The following RYR2 variants were observed in gnomAD, a reference collection of about 807,000 sequenced individuals.
RYR2 encodes ryanodine receptor 2, also known as cardiac muscle ryanodine receptor-calcium release channel.
RYR2 carries 227 observed loss-of-function variants against 601.1 expected under a neutral mutation model. That is an observed-to-expected ratio of 0.38 (90% CI 0.34 to 0.42). The LOEUF (loss-of-function observed/expected upper bound fraction) is 0.42, where lower values mean the gene tolerates loss of function less well. RYR2 is among the 10% of genes least tolerant of loss of function. The pLI, the probability that RYR2 is intolerant of heterozygous loss-of-function variation, is 1.00. For synonymous variants in RYR2, 2,223 were observed against 2,175.1 expected (o/e 1.02, Z -0.61); for missense variants, 4,646 against 6,156.5 (o/e 0.75, Z 8.21).
intron 1 of RYR2, among the ~76,000 whole-genome samples, chr1:237,050,065 T>C (rs1490782271): frequency 6.6e-6 from 1 of 152,150 alleles, no homozygotes; most frequent in East Asian, 1.9e-4. Flanking sequence ...AGGCATTCCC[T>C]GTTAGTGACG....
chr1:237,313,739 T>C (rs1266229169), intron 2 of RYR2, among the ~76,000 whole-genome samples: 1 of 152,210 alleles, frequency 6.6e-6, no homozygotes, highest in Non-Finnish European at 1.5e-5. Context: ...GAAAAGAAAT[T>C]TGAAGACCAT....
chr1:237,544,605 T>C (rs1328067207), intron 25 of RYR2, among the ~76,000 whole-genome samples: 1 of 152,210 alleles, frequency 6.6e-6, no homozygotes, highest in African/African-American at 2.4e-5. Flanking sequence ...AAAGGCTTTG[T>C]TCATTTTTAA....
At chr1:237,114,303 G>A (rs1669823402) in intron 1 of RYR2, among the ~76,000 whole-genome samples, 1 of 152,086 alleles carries the variant, frequency 6.6e-6, no homozygotes, top group South Asian at 2.1e-4. Flanking sequence ...TGTTAAATTT[G>A]ATATGTGTAA....
chr1:237,792,384 TGTGTGTGTGTGTGC>T lies in RYR2; in HGVS notation c.13782+75_13782+88del, dbSNP rs1558425823. On this transcript the variant is annotated intron_variant, in intron 94 of 104. Coordinates refer to ENST00000366574, the MANE Select transcript of RYR2 (RefSeq NM_001035.3). The stretch of plus-strand genomic sequence containing the variant: ...GTGTGTGTGTGTGTGTGTGTGTGCG[TGTGTGTGTGTGTGC>T]GTGTGTGTGTGTGTGTGTGTGTGTG... The T allele has an allele frequency of 2.3e-4, 142 of 617,830 alleles. 1 individual carries two copies. The highest frequency in any genetic ancestry group is 1.9e-3 in the Middle Eastern group (4 of 2,094). 38.3% of individuals were successfully genotyped at this position (617,830 alleles called of 1,614,324 possible).
At position 237,546,989 on chromosome 1, in the gene RYR2, A is replaced by ATTTATTTATT. The variant is rs142758030; in HGVS notation, c.2907-1441_2907-1440insTTATTTATTT. The stretch of plus-strand genomic sequence containing the variant: ...TATTTTCAAAAGCATATATATATAT[A>ATTTATTTATT]TATATATTTATTTATTTATTTATTT... On this transcript the variant is annotated intron_variant, in intron 25 of 104. Coordinates refer to ENST00000366574, the MANE Select transcript of RYR2 (RefSeq NM_001035.3). Among the ~76,000 whole-genome samples, 760 of 132,934 alleles carry ATTTATTTATT rather than the reference A, an allele frequency of 5.7e-3. 5 individuals are homozygous for ATTTATTTATT. The highest frequency in any genetic ancestry group is 8.7e-3 in the Admixed American group (111 of 12,776). 87.2% of individuals were successfully genotyped at this position (132,934 alleles called of 152,430 possible).
At chr1:237,095,537 C>A (rs115567987) in intron 1 of RYR2, among the ~76,000 whole-genome samples, 1 of 152,152 alleles carries the variant, frequency 6.6e-6, no homozygotes, top group East Asian at 1.9e-4. Context: ...GCAGCACTGC[C>A]GACATCTCTT....
At chr1:237,748,512 G>A (rs1438703206) in intron 80 of RYR2, among the ~76,000 whole-genome samples, 1 of 152,174 alleles carries the variant, frequency 6.6e-6, no homozygotes, top group East Asian at 1.9e-4. Context: ...GGTCTCCTTG[G>A]TGAGTGGTAA....
In RYR2 at chr1:237,441,307, C is replaced by T. The variant is rs367998175; in HGVS notation, c.1006-12C>T. 464 of 1,611,616 alleles carry T rather than the reference C, an allele frequency of 2.9e-4. No individual in the cohort carries two copies. The highest frequency in any genetic ancestry group is 3.8e-4 in the Non-Finnish European group (449 of 1,178,950). On this transcript the variant is annotated splice_polypyrimidine_tract_variant and intron_variant, in intron 12 of 104. Coordinates refer to ENST00000366574, the MANE Select transcript of RYR2 (RefSeq NM_001035.3). ...AATGTTTACTGACCTTTTTTTCCTC[C>T]TCTCCCCTTAGGAAAAATTGGATGT...
At chr1:237,584,658 T>TTTTG (rs1559066747) in intron 29 of RYR2, among the ~76,000 whole-genome samples, 10 of 137,262 alleles carry the variant, frequency 7.3e-5, no homozygotes, top group Admixed American at 1.5e-4. Flanking sequence ...TGTTTTTTTT[T>TTTTG]TTTTTTTTTT....
intron 10 of RYR2, among the ~76,000 whole-genome samples, chr1:237,389,739 T>C (rs543370706): frequency 6.6e-6 from 1 of 152,234 alleles, no homozygotes; most frequent in East Asian, 1.9e-4. Flanking sequence ...CTATGAAAGA[T>C]GGAGTTAAAC....
rs182628627 is a variant in RYR2 at position 237,437,304 on chromosome 1, G to A, written c.1006-4015G>A. ...CCTGACCTCATGATCCGCCCACCTC[G>A]GCCTCCTAAAGTGCTGGGATTACAG... is the stretch of plus-strand genomic sequence containing the variant. On this transcript the variant is annotated intron_variant, in intron 12 of 104. Coordinates refer to ENST00000366574, the MANE Select transcript of RYR2 (RefSeq NM_001035.3). Among the ~76,000 whole-genome samples, 321 of 152,046 alleles carry A rather than the reference G, an allele frequency of 2.1e-3. 2 individuals are homozygous for A. Among genetic ancestry groups the A allele is most frequent in the Non-Finnish European group, 3.5e-3 (238 of 67,982 alleles).
chr1:237,462,076 A>C (rs866204104), intron 16 of RYR2, among the ~76,000 whole-genome samples: 10 of 152,268 alleles, frequency 6.6e-5, no homozygotes, highest in Admixed American at 1.3e-4. Context: ...TGCAGCAATA[A>C]TTGGAGTCCT....
At chr1:237,604,977 G>T (rs575787906) in intron 35 of RYR2, among the ~76,000 whole-genome samples, 2 of 151,988 alleles carry the variant, frequency 1.3e-5, no homozygotes, top group East Asian at 1.9e-4. Flanking sequence ...ATTCACAGCC[G>T]AATTCTACCA....
chr1:237,544,435 A>G (rs1041741356), intron 25 of RYR2, among the ~76,000 whole-genome samples: 1 of 152,168 alleles, frequency 6.6e-6, no homozygotes, highest in African/African-American at 2.4e-5. Context: ...TATGAATATA[A>G]TAATAATAGG....
At chr1:237,670,551 A>G (rs1007122685) in intron 58 of RYR2, among the ~76,000 whole-genome samples, 53 of 152,176 alleles carry the variant, frequency 3.5e-4, no homozygotes, top group African/African-American at 1.2e-3. Context: ...TTGACAGGGT[A>G]TTGCCCACAT....
chr1:237,092,779 C>T (rs1667114235), intron 1 of RYR2, among the ~76,000 whole-genome samples: 1 of 152,108 alleles, frequency 6.6e-6, no homozygotes, highest in Non-Finnish European at 1.5e-5. Context: ...GATCCACCTG[C>T]CTCATCCTCC....
intron 63 of RYR2, among the ~76,000 whole-genome samples, chr1:237,696,802 A>T (rs1360009764): frequency 6.6e-6 from 1 of 151,972 alleles, no homozygotes; most frequent in Non-Finnish European, 1.5e-5. Context: ...TCCATAAGTA[A>T]ATCCTTCAAA....
intron 1 of RYR2, among the ~76,000 whole-genome samples, chr1:237,211,993 A>G (rs565310887): frequency 6.4e-4 from 97 of 152,352 alleles, no homozygotes; most frequent in African/African-American, 2.3e-3. Flanking sequence ...AGAACAGCAA[A>G]GATACTTGGA....
At chr1:237,090,154 T>C (rs1227677267) in intron 1 of RYR2, among the ~76,000 whole-genome samples, 1 of 152,140 alleles carries the variant, frequency 6.6e-6, no homozygotes, top group African/African-American at 2.4e-5. Flanking sequence ...CATGATTCAA[T>C]TACCTCCCAC....
Sources: gnomAD v4.1 joint callset for allele counts (sites outside exome capture counted in the v4.1 genomes callset) on GRCh38, gnomAD v4.1.1 for gene constraint, MANE v1.5 for transcripts, NCBI Gene and HGNC (gene_info 2026-07-23, HGNC 2026-07-21) for gene names.